The following NAALADL2 variants were observed in gnomAD, a reference collection of about 807,000 sequenced individuals.
NAALADL2 encodes N-acetylated alpha-linked acidic dipeptidase like 2, also known as inactive N-acetylated-alpha-linked acidic dipeptidase-like protein 2.
A neutral mutation model predicts 87.2 loss-of-function variants in NAALADL2; 76 were observed. The ratio of observed to expected loss-of-function variants is 0.87; its 90% CI spans 0.72 to 1.05. The LOEUF (loss-of-function observed/expected upper bound fraction) is 1.05. Ranked by LOEUF, NAALADL2 falls within the 50% of genes least tolerant of loss-of-function variation. The pLI is 0.00. For synonymous variants in NAALADL2, 354 were observed against 331.0 expected, an observed-to-expected ratio of 1.07 and a Z score of -0.75; for missense variants, 1,089 against 945.8, an observed-to-expected ratio of 1.15 and a Z score of -1.99.
chr3:175,682,497 G>GA (rs1037070294), intron 11 of NAALADL2, among the ~76,000 whole-genome samples: 8 of 151,912 alleles, frequency 5.3e-5, no homozygotes, highest in African/African-American at 1.7e-4. Context: ...TAATAAATAT[G>GA]AAAGAGCAGC....
At chr3:175,309,407 A>G (rs533485475) in intron 4 of NAALADL2, among the ~76,000 whole-genome samples, 32 of 152,124 alleles carry the variant, frequency 2.1e-4, no homozygotes, top group Non-Finnish European at 4.1e-4. Context: ...GCTGGTCTCA[A>G]ACTCCTGACC....
At chr3:174,886,778 T>C (rs1730203022) in intron 1 of NAALADL2, among the ~76,000 whole-genome samples, 1 of 152,226 alleles carries the variant, frequency 6.6e-6, no homozygotes, top group Non-Finnish European at 1.5e-5. Flanking sequence ...TGGTGGAAAT[T>C]TAACCCTATA....
At chr3:174,693,401 T>C (rs1035030187) in intron 2 of NAALADL2, among the ~76,000 whole-genome samples, 1 of 152,172 alleles carries the variant, frequency 6.6e-6, no homozygotes, top group Admixed American at 6.5e-5. Context: ...TTTTCTTAAA[T>C]GCATTTTGGA....
chr3:174,519,683 T>G (rs1444319358), intron 1 of NAALADL2, among the ~76,000 whole-genome samples: 2 of 152,014 alleles, frequency 1.3e-5, no homozygotes, highest in Non-Finnish European at 1.5e-5. Flanking sequence ...CTCTTACCCT[T>G]CTGTTTTCAA....
chr3:175,659,500 GATTT>G (rs1731960389), intron 11 of NAALADL2, among the ~76,000 whole-genome samples: 1 of 152,010 alleles, frequency 6.6e-6, no homozygotes, highest in Non-Finnish European at 1.5e-5. Flanking sequence ...AAATTTCTAT[GATTT>G]ATTATTGCTT....
intron 1 of NAALADL2, among the ~76,000 whole-genome samples, chr3:174,534,799 T>C (rs908260114): frequency 6.6e-6 from 1 of 151,992 alleles, no homozygotes; most frequent in Admixed American, 6.6e-5. Flanking sequence ...ACATGGAAGG[T>C]GAATCGGTCT....
At chr3:175,437,704 T>G (rs560128353) in intron 5 of NAALADL2, among the ~76,000 whole-genome samples, 1 of 151,776 alleles carries the variant, frequency 6.6e-6, no homozygotes, top group Non-Finnish European at 1.5e-5. Flanking sequence ...CAAACTATAC[T>G]ACAAGGCTAC....
At chr3:174,817,925 G>A (rs1227654937) in intron 3 of NAALADL2, among the ~76,000 whole-genome samples, 2 of 152,138 alleles carry the variant, frequency 1.3e-5, no homozygotes, top group African/African-American at 2.4e-5. Flanking sequence ...CTCACTGTCA[G>A]TAATAAACAC....
At chr3:175,645,269 A>G (rs1729840744) in intron 11 of NAALADL2, among the ~76,000 whole-genome samples, 1 of 152,156 alleles carries the variant, frequency 6.6e-6, no homozygotes, top group Non-Finnish European at 1.5e-5. Context: ...CAAAAACTAC[A>G]CAGAGCGAAT....
intron 3 of NAALADL2, among the ~76,000 whole-genome samples, chr3:174,806,276 G>A (rs889538062): frequency 2.0e-5 from 3 of 152,190 alleles, no homozygotes; most frequent in Non-Finnish European, 4.4e-5. Context: ...CTCCTCTACA[G>A]TCCCAATTAT....
At chr3:175,178,646 C>T (rs1736023457) in intron 2 of NAALADL2, among the ~76,000 whole-genome samples, 1 of 152,012 alleles carries the variant, frequency 6.6e-6, no homozygotes, top group Admixed American at 6.6e-5. Flanking sequence ...GGTAGAAACA[C>T]ACATTGCTAG....
intron 5 of NAALADL2, among the ~76,000 whole-genome samples, chr3:175,422,282 C>T (rs1234164294): frequency 6.6e-6 from 1 of 151,996 alleles, no homozygotes; most frequent in Non-Finnish European, 1.5e-5. Flanking sequence ...TAAACAAGTC[C>T]TTCCTAAGAT....
intron 10 of NAALADL2, among the ~76,000 whole-genome samples, chr3:175,582,702 A>G (rs1315631316): frequency 1.3e-5 from 2 of 152,214 alleles, no homozygotes; most frequent in Non-Finnish European, 2.9e-5. Flanking sequence ...ACAAAGATGA[A>G]TAAAACATGC....
At chr3:175,062,517 TG>T (rs1713727376) in intron 1 of NAALADL2, among the ~76,000 whole-genome samples, 1 of 149,160 alleles carries the variant, frequency 6.7e-6, no homozygotes, top group Non-Finnish European at 1.5e-5. Context: ...TGTGTGTGTG[TG>T]TGTGTGTTTC....
intron 2 of NAALADL2, among the ~76,000 whole-genome samples, chr3:174,696,812 A>G (rs939934140): frequency 2.6e-5 from 4 of 152,002 alleles, no homozygotes; most frequent in African/African-American, 9.7e-5. Context: ...TAAAAATAAT[A>G]TTCTGAATGT....
In NAALADL2 at chr3:175,146,854, A is replaced by G. The variant is rs895526992; in HGVS notation, c.545+49563A>G. ...TTTAACTAAATTTAATTAAATTACA[A>G]TTTACTAACGTCATTCAGGTACATA... On this transcript the variant is annotated intron_variant, in intron 2 of 13. Coordinates refer to ENST00000454872, the MANE Select transcript of NAALADL2 (RefSeq NM_207015.3). 2.0e-5 allele frequency among the ~76,000 whole-genome samples: 3 copies of G among 152,242 alleles called. No individual in the cohort carries two copies. In the East Asian group the frequency reaches 5.8e-4, roughly 29 times the overall value.
intron 1 of NAALADL2, among the ~76,000 whole-genome samples, chr3:174,475,044 A>T (rs1307653650): frequency 1.3e-5 from 2 of 151,968 alleles, no homozygotes; most frequent in East Asian, 3.9e-4. Flanking sequence ...ATCTTTGATA[A>T]ATGGTGTCTG....
chr3:175,050,367 G>A (rs561813284), intron 1 of NAALADL2, among the ~76,000 whole-genome samples: 2 of 152,164 alleles, frequency 1.3e-5, no homozygotes, highest in African/African-American at 4.8e-5. Context: ...GGTTCAAACA[G>A]TTCTCCTGCT....
intron 5 of NAALADL2, among the ~76,000 whole-genome samples, chr3:175,356,245 T>C (rs1764344260): frequency 6.6e-6 from 1 of 151,932 alleles, no homozygotes; most frequent in South Asian, 2.1e-4. Context: ...GAATGATAGA[T>C]AGTAGAATTT....
Sources: gnomAD v4.1 joint callset for allele counts (sites outside exome capture counted in the v4.1 genomes callset) on GRCh38, gnomAD v4.1.1 for gene constraint, MANE v1.5 for transcripts, NCBI Gene and HGNC (gene_info 2026-07-23, HGNC 2026-07-21) for gene names.